The following NCKAP1L variants were observed in gnomAD, a reference collection of about 807,000 sequenced individuals.
NCKAP1L encodes the protein nck-associated protein 1-like.
In NCKAP1L, 53 loss-of-function variants were observed where a neutral mutation model predicts 139.2. The ratio of observed to expected loss-of-function variants is 0.38; its 90% CI spans 0.31 to 0.48. The LOEUF (loss-of-function observed/expected upper bound fraction) is 0.48. Among genes scored for constraint, NCKAP1L ranks in the 20% least tolerant of loss-of-function variants. The pLI, the probability that NCKAP1L is intolerant of heterozygous loss-of-function variation, is 0.98. For synonymous variants in NCKAP1L, 468 were observed against 499.7 expected, an observed-to-expected ratio of 0.94 and a Z score of 0.85; for missense variants, 1,151 against 1,381.9, an observed-to-expected ratio of 0.83 and a Z score of 2.65.
chr12:54,524,757 C>T (rs1282619208), intron 20 of NCKAP1L, among the ~76,000 whole-genome samples: 5 of 151,940 alleles, frequency 3.3e-5, no homozygotes, highest in East Asian at 3.9e-4. Context: ...AAGCAGAATA[C>T]GTAGTAGATT....
chr12:54,519,474 GC>G, intron 16 of NCKAP1L, 142 bp downstream of exon 16: 1 of 599,134 alleles, frequency 1.7e-6, no homozygotes, highest in South Asian at 4.9e-5. Context: ...TCACTATGTT[GC>G]CCAGGCTGGT....
rs1319193473 is a variant in NCKAP1L, at chr12:54,516,287, T to G, written c.990T>G (p.Ile330Met). 6.2e-7 allele frequency: 1 copy of G among 1,613,932 alleles called. No individual in the cohort carries two copies. Residue 330 changes from isoleucine (I) to methionine (M), a missense_variant, in exon 10 of 31, where the codon ATT (isoleucine) becomes ATG (methionine). Coordinates refer to ENST00000293373, the MANE Select transcript of NCKAP1L (RefSeq NM_005337.5). ...TAAAGGAGAGCAAGGAACATGTAAT[T>G]GCAAACAGGTAAAGGGTGGTGAATG... The part of the protein sequence containing the change: ...ADIKESKEHV[I>M]ANSGQFHCQR...
rs1178482580 is a variant in NCKAP1L, at chr12:54,509,703, T to C, written c.541T>C (p.Leu181=). ...TTTTGCCCGTCTGGGTCAGATGGTC[T>C]TGGAGTATGACCACCCTCTGAAGAA... ...PSFARLGQMV[L]EYDHPLKKLT... is the part of the protein sequence containing the mutation. Residue 181 remains leucine (L), a synonymous_variant, in exon 6 of 31, where the codon TTG becomes CTG. Transcript: ENST00000293373. 1.2e-6 allele frequency: 2 copies of C among 1,614,204 alleles called. No individual in the cohort carries two copies. Among genetic ancestry groups the C allele is most frequent in the Admixed American group, 3.3e-5 (2 of 60,028 alleles).
intron 9 of NCKAP1L, among the ~76,000 whole-genome samples, chr12:54,514,792 T>C (rs1359025671): frequency 1.3e-5 from 2 of 152,216 alleles, no homozygotes; most frequent in Non-Finnish European, 2.9e-5. Context: ...CTAAGTATTG[T>C]CATTAAAAAC....
At chr12:54,521,494 C>T (rs1396470926) in intron 18 of NCKAP1L, among the ~76,000 whole-genome samples, 2 of 152,206 alleles carry the variant, frequency 1.3e-5, no homozygotes, top group African/African-American at 4.8e-5. Context: ...AAAATCTGTG[C>T]TCTCACTTGA....
At chr12:54,530,604 G>A (rs1394008436) in intron 22 of NCKAP1L, among the ~76,000 whole-genome samples, 2 of 152,186 alleles carry the variant, frequency 1.3e-5, no homozygotes, top group Non-Finnish European at 2.9e-5. Flanking sequence ...GGAAATAGTT[G>A]TATCTGCTGG....
chr12:54,513,086 G>A (rs1043877010), intron 9 of NCKAP1L, among the ~76,000 whole-genome samples: 31 of 152,128 alleles, frequency 2.0e-4, no homozygotes, highest in Admixed American at 1.7e-3. Context: ...TTTCAGACAG[G>A]GGAGTGACAT....
At position 54,526,609 on chromosome 12, in the gene NCKAP1L, A is replaced by T. The variant is rs529783939; in HGVS notation, c.2238A>T (p.Ala746=). ...CTGAGCTGTTGGCAGGAGTCAAAGC[A>T]TACATTGGTTTCATACAGTCACTGG... ...RPSELLAGVK[A]YIGFIQSLAQ... is the part of the protein sequence containing the mutation. The change falls in exon 21 of 31, where the codon GCA becomes GCT. Residue 746 remains alanine, a synonymous_variant. Coordinates refer to ENST00000293373, the MANE Select transcript of NCKAP1L (RefSeq NM_005337.5). The T allele has an allele frequency of 1.2e-6, 2 of 1,614,108 alleles. No individual in the cohort carries two copies. Among genetic ancestry groups the T allele is most frequent in the Non-Finnish European group, 1.7e-6 (2 of 1,180,028 alleles).
Position 54,509,989 on chromosome 12 carries a change from A to G in NCKAP1L, c.735+4A>G. On this transcript the variant is annotated splice_donor_region_variant and intron_variant, in intron 7 of 30. Transcript: ENST00000293373. ...TAACCCTGCTAATTCAGATACAGTG[A>G]GTGCCCTTTTCCTTTTGTTAGTGGA... The G allele has an allele frequency of 1.2e-6, 2 of 1,614,100 alleles. No homozygotes were observed. Among genetic ancestry groups the G allele is most frequent in the African/African-American group, 2.7e-5 (2 of 75,054 alleles).
intron 16 of NCKAP1L, among the ~76,000 whole-genome samples, chr12:54,519,667 C>G (rs1206560409): frequency 6.6e-6 from 1 of 151,982 alleles, no homozygotes; most frequent in Non-Finnish European, 1.5e-5. Flanking sequence ...TTTGAGATCT[C>G]CTTAAGGTGC....
chr12:54,507,747 G>A, intron 3 of NCKAP1L, 106 bp from the exon 4 acceptor site: 1 of 987,618 alleles, frequency 1.0e-6, no homozygotes, highest in Non-Finnish European at 1.6e-6. Flanking sequence ...GTTACTTGGT[G>A]GCTTTCTAGG....
chr12:54,530,910 A>G (rs1957063680), intron 22 of NCKAP1L, among the ~76,000 whole-genome samples: 1 of 152,246 alleles, frequency 6.6e-6, no homozygotes, highest in Non-Finnish European at 1.5e-5. Flanking sequence ...AGGTTCAATG[A>G]CTTAAGGTCT....
chr12:54,510,110 T>C, intron 7 of NCKAP1L, 125 bp downstream of exon 7: 1 of 1,302,476 alleles, frequency 7.7e-7, no homozygotes, highest in Non-Finnish European at 1.1e-6. Context: ...CTAGGGTATG[T>C]CTCTAAGTTG....
chr12:54,518,486 G>A (rs1956952225), intron 13 of NCKAP1L, 165 bp from the exon 14 acceptor site: 1 of 695,788 alleles, frequency 1.4e-6, no homozygotes, highest in Non-Finnish European at 2.6e-6. Flanking sequence ...TGTTAGAATG[G>A]CAGGGAACCC....
At chr12:54,509,645 C>A (rs1412915337) in intron 5 of NCKAP1L, 24 bp from the exon 6 acceptor site, 4 of 1,529,822 alleles carry the variant, frequency 2.6e-6, no homozygotes, top group Non-Finnish European at 3.6e-6. Context: ...AGGGCTGTAA[C>A]CCCTCTCCTC....
At chr12:54,541,241 T>C (rs958118995) in intron 30 of NCKAP1L, among the ~76,000 whole-genome samples, 1 of 152,188 alleles carries the variant, frequency 6.6e-6, no homozygotes, top group Non-Finnish European at 1.5e-5. Flanking sequence ...GAGGGAAAGA[T>C]GACAATCAAG....
intron 11 of NCKAP1L, 115 bp downstream of exon 11, chr12:54,517,107 T>C: frequency 1.2e-6 from 1 of 811,682 alleles, no homozygotes; most frequent in Non-Finnish European, 2.0e-6. Context: ...TTTGTATGTA[T>C]ATATGCGATT....
chr12:54,527,146 A>C (rs2120944882), intron 21 of NCKAP1L, among the ~76,000 whole-genome samples: 1 of 152,320 alleles, frequency 6.6e-6, no homozygotes, highest in East Asian at 1.9e-4. Context: ...TCTCTCTGGA[A>C]CGTCTCCTTG....
intron 3 of NCKAP1L, among the ~76,000 whole-genome samples, chr12:54,506,796 A>AAAAAAATATATATATATATATATATAT: frequency 4.0e-5 from 2 of 50,606 alleles, no homozygotes; most frequent in African/African-American, 1.1e-4. Flanking sequence ...AAAAAAAAAA[A>AAAAAAATATATATATATATATATATAT]ATATATATAT....
Sources: gnomAD v4.1 joint callset for allele counts (sites outside exome capture counted in the v4.1 genomes callset) on GRCh38, gnomAD v4.1.1 for gene constraint, MANE v1.5 for transcripts, NCBI Gene and HGNC (gene_info 2026-07-23, HGNC 2026-07-21) for gene names.